The following LSAMP variants were observed in gnomAD, a reference collection of about 807,000 sequenced individuals.
LSAMP encodes limbic system-associated membrane protein.
In LSAMP, 7 loss-of-function variants were observed where a neutral mutation model predicts 38.6. The observed-to-expected ratio is 0.18, with a 90% confidence interval of 0.10 to 0.34. LSAMP has a LOEUF of 0.34. LSAMP is among the 10% of genes least tolerant of loss of function. LSAMP has a pLI of 1.00. For synonymous variants in LSAMP, 154 were observed against 166.8 expected (o/e 0.92, Z 0.59); for missense variants, 313 against 420.0 (o/e 0.75, Z 2.23).
At chr3:116,162,172 C>T (rs1328782762) in intron 1 of LSAMP, among the ~76,000 whole-genome samples, 2 of 152,148 alleles carry the variant, frequency 1.3e-5, no homozygotes, top group African/African-American at 2.4e-5. Context: ...AATTACTGCT[C>T]TCCAAACTAA....
rs138336268 is a variant in LSAMP at position 115,931,072 on chromosome 3, T to C, written c.515-78455A>G. Among the ~76,000 whole-genome samples the C allele has an allele frequency of 8.9e-3, 1,360 of 152,298 alleles. 15 individuals carry two copies. The highest frequency in any genetic ancestry group is 0.031 in the African/African-American group (1,276 of 41,566). On this transcript the variant is annotated intron_variant, in intron 3 of 6. Coordinates refer to ENST00000490035, the MANE Select transcript of LSAMP (RefSeq NM_002338.5). ...TGACTGCAGATGATAAGCAACCCAA[T>C]TGGGTGTTTATTCTAAATATATCAC...
In LSAMP at chr3:116,290,773, T is replaced by TAAA. The variant is rs1553721673; in HGVS notation, c.155+154101_155+154103dup. On this transcript the variant is annotated intron_variant, in intron 1 of 6. Transcript: ENST00000490035. ...ATAATAATAATAATAATAATAATAATAAAATAAACTTTCCTAGTTGATCTT... is the reference window on the plus strand; with the variant it reads ...ATAATAATAATAATAATAATAATAATAAAAAAATAAACTTTCCTAGTTGATCTT... Among the ~76,000 whole-genome samples the TAAA allele has an allele frequency of 7.2e-3, 1,032 of 142,536 alleles. 45 individuals are homozygous for TAAA. Among genetic ancestry groups the TAAA allele is most frequent in the East Asian group, 0.05 (243 of 4,898 alleles). 93.5% of individuals were successfully genotyped at this position (142,536 alleles called of 152,430 possible). A position where few individuals can be genotyped will look rare whatever the true frequency, so the allele number is the denominator to read the frequency against.
intron 2 of LSAMP, among the ~76,000 whole-genome samples, chr3:116,074,344 A>C (rs891024647): frequency 6.6e-6 from 1 of 152,188 alleles, no homozygotes; most frequent in South Asian, 2.1e-4. Flanking sequence ...TATAATGTTC[A>C]TTATAATAGT....
At chr3:116,241,885 G>C (rs535368005) in intron 1 of LSAMP, among the ~76,000 whole-genome samples, 2 of 152,324 alleles carry the variant, frequency 1.3e-5, no homozygotes, top group Non-Finnish European at 2.9e-5. Context: ...ATTGGAATTG[G>C]GGGTGTAACC....
At chr3:115,936,268 A>G (rs1469117707) in intron 3 of LSAMP, among the ~76,000 whole-genome samples, 1 of 152,186 alleles carries the variant, frequency 6.6e-6, no homozygotes, top group East Asian at 1.9e-4. Flanking sequence ...TTGAGTAGGG[A>G]GAGTGTATCC....
chr3:116,073,034 T>A (rs549166863), intron 2 of LSAMP, among the ~76,000 whole-genome samples: 1 of 152,214 alleles, frequency 6.6e-6, no homozygotes, highest in African/African-American at 2.4e-5. Flanking sequence ...GTTTTCATAA[T>A]TGTGGGTTTC....
At chr3:116,314,240 A>C (rs959067104) in intron 1 of LSAMP, among the ~76,000 whole-genome samples, 4 of 152,176 alleles carry the variant, frequency 2.6e-5, no homozygotes, top group African/African-American at 9.7e-5. Flanking sequence ...AACCTGGATA[A>C]TTTTCTTACC....
At chr3:116,120,069 C>T (rs114058429) in intron 1 of LSAMP, among the ~76,000 whole-genome samples, 284 of 152,248 alleles carry the variant, frequency 1.9e-3, no homozygotes, top group African/African-American at 6.4e-3. Flanking sequence ...AGAAAATACA[C>T]ATTTGTTCAG....
Position 116,086,516 on chromosome 3 carries a change from T to G in LSAMP, c.196A>C (p.Asn66His). 1 of 1,614,136 alleles carries G rather than the reference T, an allele frequency of 6.2e-7. No individual in the cohort carries two copies. The highest frequency in any genetic ancestry group is 8.5e-7 in the Non-Finnish European group (1 of 1,180,010). The change falls in exon 2 of 7, where the codon AAC becomes CAC. Residue 66 changes from asparagine (N) to histidine (H), a missense_variant. Physicochemically the swap from Asn to His is moderately conservative, Grantham distance 68. Coordinates refer to ENST00000490035, the MANE Select transcript of LSAMP (RefSeq NM_002338.5). ...CCAGCAAAAATGATGCCAGAACGGT[T>G]CAACCAGGCCACCTTTGAGTTCTTG... ...EDKNSKVAWL[N>H]RSGIIFAGHD... is the part of the protein sequence containing the mutation.
chr3:116,007,783 T>A (rs1398733822), intron 3 of LSAMP, among the ~76,000 whole-genome samples: 1 of 152,152 alleles, frequency 6.6e-6, no homozygotes, highest in Non-Finnish European at 1.5e-5. Flanking sequence ...ACCTTGACTA[T>A]CTCAAAAAGA....
At chr3:116,081,513 G>A (rs1341409127) in intron 2 of LSAMP, among the ~76,000 whole-genome samples, 2 of 151,964 alleles carry the variant, frequency 1.3e-5, no homozygotes, top group Admixed American at 1.3e-4. Context: ...AATTTAAAGG[G>A]CATCTAGAGA....
intron 1 of LSAMP, among the ~76,000 whole-genome samples, chr3:116,232,354 C>T (rs948547141): frequency 1.3e-5 from 2 of 152,130 alleles, no homozygotes; most frequent in South Asian, 2.1e-4. Context: ...CTCAATCCCA[C>T]GGATTATAAA....
At chr3:115,954,045 T>G (rs1383801905) in intron 3 of LSAMP, among the ~76,000 whole-genome samples, 1 of 152,252 alleles carries the variant, frequency 6.6e-6, no homozygotes, top group Non-Finnish European at 1.5e-5. Context: ...CTGTCACATA[T>G]GATGATCTGA....
chr3:116,273,579 A>T (rs187474481), intron 1 of LSAMP, among the ~76,000 whole-genome samples: 2 of 150,288 alleles, frequency 1.3e-5, no homozygotes, highest in Non-Finnish European at 3.0e-5. Context: ...AGAATATGGA[A>T]TTATGATCTA....
At chr3:115,966,926 T>C (rs1938834770) in intron 3 of LSAMP, among the ~76,000 whole-genome samples, 1 of 152,178 alleles carries the variant, frequency 6.6e-6, no homozygotes. Flanking sequence ...CCTGGTGGCA[T>C]CCTGAAGGAA....
chr3:116,037,623 A>G (rs752375912), intron 2 of LSAMP, among the ~76,000 whole-genome samples: 9 of 152,088 alleles, frequency 5.9e-5, no homozygotes, highest in Non-Finnish European at 1.2e-4. Flanking sequence ...TGCTTAGAAT[A>G]TTTTCTTTTA....
At chr3:115,907,735 A>G (rs1330626127) in intron 3 of LSAMP, among the ~76,000 whole-genome samples, 2 of 152,132 alleles carry the variant, frequency 1.3e-5, no homozygotes, top group Non-Finnish European at 2.9e-5. Context: ...ACTCAAAAAT[A>G]AAAAGTTTTC....
chr3:116,079,397 G>A (rs368050767), intron 2 of LSAMP, among the ~76,000 whole-genome samples: 7 of 152,156 alleles, frequency 4.6e-5, no homozygotes, highest in South Asian at 2.1e-4. Flanking sequence ...GGTGGCTTAC[G>A]CCTGTAATCC....
At chr3:115,967,473 A>T (rs1344119726) in intron 3 of LSAMP, among the ~76,000 whole-genome samples, 1 of 152,042 alleles carries the variant, frequency 6.6e-6, no homozygotes, top group East Asian at 1.9e-4. Context: ...GAGCCCTCCA[A>T]ACTGTTCCAA....
Sources: allele counts gnomAD v4.1 joint callset (sites outside exome capture counted in the v4.1 genomes callset), GRCh38; gene constraint gnomAD v4.1.1; transcripts MANE v1.5; gene names NCBI Gene and HGNC (gene_info 2026-07-23, HGNC 2026-07-21).